TSPEAR: variants seen among roughly 807,000 people sequenced by gnomAD.
TSPEAR encodes thrombospondin-type laminin G domain and EAR repeat-containing protein.
TSPEAR carries 69 observed loss-of-function variants against 71.6 expected under a neutral mutation model. The observed-to-expected ratio is 0.96, with a 90% CI of 0.79 to 1.18. The LOEUF (loss-of-function observed/expected upper bound fraction) is 1.18. TSPEAR is among the 50% of genes most tolerant of loss of function. The pLI is 0.00. For synonymous variants in TSPEAR, 402 were observed against 387.2 expected (o/e 1.04, Z -0.45); for missense variants, 971 against 894.9 (o/e 1.09, Z -1.09).
chr21:44,567,897 G>C lies in TSPEAR; in HGVS notation c.191C>G (p.Ala64Gly). The change falls in exon 2 of 12, where the codon GCC becomes GGC. Residue 64 changes from alanine (A) to glycine (G), a missense_variant. By Grantham distance (60) the Ala-to-Gly change is moderately conservative. Coordinates refer to ENST00000323084, the MANE Select transcript of TSPEAR (RefSeq NM_144991.3). ...HGARGLQLSV[A>G]APRTMSFPAS... ...TGGGAAGCTCATGGTGCGGGGGGCG[G>C]CTACTGAGAGCTGGAGTCCCCGTGC... The C allele has an allele frequency of 1.9e-6, 3 of 1,607,890 alleles. No homozygotes were observed. The South Asian group carries it at 3.3e-5, about 18-fold the overall frequency.
chr21:44,576,462 G>A (rs1978460809), intron 1 of TSPEAR, among the ~76,000 whole-genome samples: 1 of 151,234 alleles, frequency 6.6e-6, no homozygotes, highest in South Asian at 2.1e-4. Context: ...CAGGGTGGGT[G>A]AGGGGGCAAA....
intron 1 of TSPEAR, among the ~76,000 whole-genome samples, chr21:44,667,765 A>T (rs1306587037): frequency 6.6e-6 from 1 of 152,222 alleles, no homozygotes; most frequent in Non-Finnish European, 1.5e-5. Flanking sequence ...AGATGTCAAC[A>T]CCAGATCACT....
chr21:44,533,780 GC>G lies in TSPEAR; in HGVS notation c.446del (p.Ser149ThrfsTer33), dbSNP rs2053025304. 6.2e-7 allele frequency: 1 copy of G among 1,612,498 alleles called. No individual in the cohort carries two copies. Among genetic ancestry groups the G allele is most frequent in the Non-Finnish European group, 8.5e-7 (1 of 1,179,886 alleles). ...GAWQTRVSFR[S>X]PALVDGRWHT... ...GCCAGCGGCCATCCACCAGGGCCGGGCTGCGGAAGGACACTCGGGTCTGCCA... is the reference window on the plus strand; with the variant it reads ...GCCAGCGGCCATCCACCAGGGCCGGGTGCGGAAGGACACTCGGGTCTGCCA... On this transcript the variant is annotated frameshift_variant, in exon 3 of 12. Transcript: ENST00000323084. LOFTEE classifies it high-confidence loss of function.
At chr21:44,676,398 C>T in intron 1 of TSPEAR, 1 of 1,134,518 alleles carries the variant, frequency 8.8e-7, no homozygotes, top group Non-Finnish European at 1.3e-6. Flanking sequence ...CAGATGAGGT[C>T]TTCATGCTGT....
intron 1 of TSPEAR, among the ~76,000 whole-genome samples, chr21:44,682,992 G>C (rs868991894): frequency 1.3e-5 from 2 of 152,160 alleles, no homozygotes; most frequent in South Asian, 2.1e-4. Context: ...GCTCACCAGA[G>C]AGAAGCTGCT....
chr21:44,538,602 G>A (rs1165059209), intron 2 of TSPEAR, among the ~76,000 whole-genome samples: 1 of 152,162 alleles, frequency 6.6e-6, no homozygotes, highest in Non-Finnish European at 1.5e-5. Flanking sequence ...CCTCGGGCGG[G>A]CGGCACACAG....
intron 11 of TSPEAR, among the ~76,000 whole-genome samples, chr21:44,503,319 C>T: frequency 6.9e-6 from 1 of 144,436 alleles, no homozygotes; most frequent in South Asian, 2.2e-4. Flanking sequence ...TGGGAGGAGG[C>T]CGGCCTTGGT....
chr21:44,513,209 T>TGAC (rs1158527223), intron 9 of TSPEAR, among the ~76,000 whole-genome samples: 12 of 152,332 alleles, frequency 7.9e-5, no homozygotes, highest in African/African-American at 2.9e-4. Context: ...CATTGGCTAT[T>TGAC]GACAGCCCCT....
intron 11 of TSPEAR, among the ~76,000 whole-genome samples, chr21:44,503,041 GC>G: frequency 7.0e-6 from 1 of 143,740 alleles, no homozygotes; most frequent in African/African-American, 2.6e-5. Context: ...TCGGGGGGAA[GC>G]AAGGCTCTGG....
At chr21:44,647,688 C>T (rs1984524842) in intron 1 of TSPEAR, 3 of 371,700 alleles carry the variant, frequency 8.1e-6, no homozygotes, top group Non-Finnish European at 1.0e-5. Context: ...TCCCCTGAGC[C>T]CCTCTGCCTA....
intron 1 of TSPEAR, among the ~76,000 whole-genome samples, chr21:44,634,239 C>T (rs1201098223): frequency 6.6e-6 from 1 of 152,066 alleles, no homozygotes; most frequent in Non-Finnish European, 1.5e-5. Context: ...ACAGGCTGAG[C>T]AATACCCTGT....
intron 1 of TSPEAR, chr21:44,677,936 G>T: frequency 7.2e-7 from 1 of 1,383,494 alleles, no homozygotes; most frequent in Non-Finnish European, 1.0e-6. Context: ...AAAACAAAAG[G>T]CCAGCTCCAG....
chr21:44,634,047 C>G (rs587660441), intron 1 of TSPEAR, among the ~76,000 whole-genome samples: 1 of 152,080 alleles, frequency 6.6e-6, no homozygotes, highest in Non-Finnish European at 1.5e-5. Context: ...GAGTTCGAGA[C>G]CAGCCTGGGT....
At chr21:44,643,714 TAC>T (rs781875891) in intron 1 of TSPEAR, among the ~76,000 whole-genome samples, 4 of 151,966 alleles carry the variant, frequency 2.6e-5, no homozygotes, top group Admixed American at 2.0e-4. Flanking sequence ...TTCACACACA[TAC>T]ACACACACAT....
intron 8 of TSPEAR, among the ~76,000 whole-genome samples, chr21:44,523,793 TAGTCAGTC>T (rs61723663): frequency 9.3e-5 from 14 of 150,470 alleles, no homozygotes; most frequent in East Asian, 4.0e-4. Context: ...GTCAGTGAGG[TAGTCAGTC>T]AGTCAGTCAG....
chr21:44,704,569 G>A (rs545097799), intron 1 of TSPEAR, among the ~76,000 whole-genome samples: 5 of 152,308 alleles, frequency 3.3e-5, no homozygotes, highest in South Asian at 4.1e-4. Flanking sequence ...GGATGGAGCT[G>A]GTTACCCAGA....
chr21:44,647,159 C>G (rs199741257), intron 1 of TSPEAR: 2 of 1,614,080 alleles, frequency 1.2e-6, no homozygotes, highest in Admixed American at 1.7e-5. Context: ...TGCAGACCCT[C>G]CTCCTCTGTG....
chr21:44,676,375 G>T, intron 1 of TSPEAR: 1 of 1,123,388 alleles, frequency 8.9e-7, no homozygotes, highest in Non-Finnish European at 1.4e-6. Context: ...CAGTGGGACA[G>T]CAGGCATTTC....
chr21:44,535,610 T>C (rs2053075506), intron 2 of TSPEAR, among the ~76,000 whole-genome samples: 1 of 152,212 alleles, frequency 6.6e-6, no homozygotes, highest in Non-Finnish European at 1.5e-5. Flanking sequence ...CCTGCAGTAT[T>C]CCCACAGTAG....
Sources: gnomAD v4.1 joint callset for allele counts (sites outside exome capture counted in the v4.1 genomes callset) on GRCh38, gnomAD v4.1.1 for gene constraint, MANE v1.5 for transcripts, NCBI Gene and HGNC (gene_info 2026-07-23, HGNC 2026-07-21) for gene names.